SDK1: variants seen among roughly 807,000 people sequenced by gnomAD.
The protein encoded by SDK1 is protein sidekick-1.
A neutral mutation model predicts 245.5 loss-of-function variants in SDK1; 157 were observed. The ratio of observed to expected loss-of-function variants is 0.64; its 90% CI spans 0.56 to 0.73. The LOEUF is 0.73. Ranked by LOEUF, SDK1 falls within the 30% of genes least tolerant of loss-of-function variation. SDK1 has a pLI of 0.00. For missense variants in SDK1, 3,583 were observed against 3,002.3 expected, an observed-to-expected ratio of 1.19 and a Z score of -4.52; for synonymous variants, 1,647 against 1,278.5, an observed-to-expected ratio of 1.29 and a Z score of -6.15.
intron 5 of SDK1, among the ~76,000 whole-genome samples, chr7:3,834,740 T>C (rs1174375326): frequency 6.6e-6 from 1 of 152,172 alleles, no homozygotes; most frequent in East Asian, 1.9e-4. Context: ...TCCGCGAGGA[T>C]AGGGATTTTT....
At position 4,067,883 on chromosome 7, in the gene SDK1, C is replaced by T. The variant is rs371875529; in HGVS notation, c.2957C>T (p.Thr986Ile). ...CTGAGTTTCACAGAGATCTTGGACACATCTCTCAAGGTCAGCTGGCAGGAG... is the reference window on the plus strand; with the variant it reads ...CTGAGTTTCACAGAGATCTTGGACATATCTCTCAAGGTCAGCTGGCAGGAG... ...GHLSFTEILD[T>I]SLKVSWQEPL... Residue 986 changes from threonine (T) to isoleucine (I), a missense_variant, in exon 20 of 45, where the codon ACA (threonine) becomes ATA (isoleucine). Thr to Ile is a moderately conservative substitution (Grantham distance 89). Transcript: ENST00000404826. 44 of 1,613,404 alleles carry T rather than the reference C, an allele frequency of 2.7e-5. No individual in the cohort carries two copies. The highest frequency in any genetic ancestry group is 3.6e-5 in the Non-Finnish European group (43 of 1,179,794).
chr7:3,781,937 A>T (rs939187821), intron 4 of SDK1, among the ~76,000 whole-genome samples: 3 of 152,226 alleles, frequency 2.0e-5, no homozygotes, highest in Non-Finnish European at 2.9e-5. Flanking sequence ...TCAAGAGATG[A>T]CACCTTTGTA....
chr7:3,491,531 C>G (rs1244932990), intron 1 of SDK1, among the ~76,000 whole-genome samples: 1 of 152,138 alleles, frequency 6.6e-6, no homozygotes, highest in Non-Finnish European at 1.5e-5. Flanking sequence ...TTCTTTTTCC[C>G]CTATTCATAA....
At chr7:4,104,601 C>T (rs1295104684) in intron 22 of SDK1, among the ~76,000 whole-genome samples, 2 of 152,134 alleles carry the variant, frequency 1.3e-5, no homozygotes, top group African/African-American at 4.8e-5. Flanking sequence ...ACATATATTC[C>T]CCTCCGAACC....
chr7:3,393,466 C>T (rs1199176846), intron 1 of SDK1, among the ~76,000 whole-genome samples: 1 of 152,042 alleles, frequency 6.6e-6, no homozygotes, highest in Non-Finnish European at 1.5e-5. Context: ...TTTTCCTTTC[C>T]TATAGCTATG....
At chr7:4,171,892 A>G (rs1178295937) in intron 32 of SDK1, among the ~76,000 whole-genome samples, 1 of 152,166 alleles carries the variant, frequency 6.6e-6, no homozygotes, top group Non-Finnish European at 1.5e-5. Context: ...GCTGTGGGGC[A>G]TTGACAAGCA....
chr7:4,159,445 C>G (rs1053331609), intron 31 of SDK1, among the ~76,000 whole-genome samples: 1 of 152,214 alleles, frequency 6.6e-6, no homozygotes, highest in Admixed American at 6.5e-5. Flanking sequence ...AGAGCAGAAC[C>G]TGCAAGAGCC....
At chr7:3,762,840 A>G (rs1002912843) in intron 4 of SDK1, among the ~76,000 whole-genome samples, 9 of 152,346 alleles carry the variant, frequency 5.9e-5, no homozygotes, top group Non-Finnish European at 7.3e-5. Context: ...CAGTATGAAT[A>G]TGTTATAAAA....
chr7:3,306,481 A>G (rs1012082039), intron 1 of SDK1, among the ~76,000 whole-genome samples: 5 of 152,200 alleles, frequency 3.3e-5, no homozygotes, highest in Admixed American at 3.3e-4. Context: ...TATGAATTTG[A>G]GTCCTTTAAC....
intron 1 of SDK1, among the ~76,000 whole-genome samples, chr7:3,447,655 TTC>T (rs1234382675): frequency 6.6e-6 from 1 of 152,058 alleles, no homozygotes; most frequent in Non-Finnish European, 1.5e-5. Context: ...TGTTTTTTGT[TTC>T]TGTTATAAAC....
At chr7:3,444,471 A>G in intron 1 of SDK1, among the ~76,000 whole-genome samples, 1 of 152,236 alleles carries the variant, frequency 6.6e-6, no homozygotes, top group African/African-American at 2.4e-5. Flanking sequence ...TGATACAATT[A>G]TAGTAGCAGG....
At chr7:3,793,045 A>G (rs1350590828) in intron 4 of SDK1, among the ~76,000 whole-genome samples, 1 of 152,206 alleles carries the variant, frequency 6.6e-6, no homozygotes, top group African/African-American at 2.4e-5. Flanking sequence ...AATGGAAAAA[A>G]GGTCAAAGGA....
intron 1 of SDK1, among the ~76,000 whole-genome samples, chr7:3,365,119 G>A (rs1781055433): frequency 6.6e-6 from 1 of 152,138 alleles, no homozygotes; most frequent in Admixed American, 6.5e-5. Context: ...TTGCTGATTT[G>A]AGGCCGCAAC....
chr7:3,334,513 G>T (rs549385315), intron 1 of SDK1, among the ~76,000 whole-genome samples: 1 of 152,198 alleles, frequency 6.6e-6, no homozygotes, highest in South Asian at 2.1e-4. Flanking sequence ...GTTGCTGGGA[G>T]GACTGAGGCT....
intron 44 of SDK1, among the ~76,000 whole-genome samples, chr7:4,253,351 A>G (rs1426498196): frequency 6.6e-6 from 1 of 152,138 alleles, no homozygotes; most frequent in African/African-American, 2.4e-5. Flanking sequence ...TCATCTCAAA[A>G]TATTTTTTTA....
At chr7:3,977,440 G>T (rs1251119065) in intron 13 of SDK1, among the ~76,000 whole-genome samples, 1 of 152,214 alleles carries the variant, frequency 6.6e-6, no homozygotes, top group African/African-American at 2.4e-5. Context: ...GGGTCCTCCA[G>T]CTTTTGTGTA....
intron 1 of SDK1, among the ~76,000 whole-genome samples, chr7:3,615,939 C>T (rs2128643765): frequency 6.6e-6 from 1 of 151,750 alleles, no homozygotes. Context: ...GGCTGGAGTG[C>T]AGTGGCACAA....
At chr7:3,867,070 C>T (rs529153672) in intron 5 of SDK1, among the ~76,000 whole-genome samples, 17 of 152,114 alleles carry the variant, frequency 1.1e-4, no homozygotes, top group African/African-American at 2.2e-4. Flanking sequence ...CTTCATTCCC[C>T]GTGCTAATGG....
At chr7:3,489,698 AAAAT>A (rs1417060168) in intron 1 of SDK1, among the ~76,000 whole-genome samples, 5 of 152,232 alleles carry the variant, frequency 3.3e-5, no homozygotes, top group African/African-American at 4.8e-5. Flanking sequence ...TCTAATGTGA[AAAAT>A]AAAGTAGCTT....
Sources: gnomAD v4.1 joint callset for allele counts (sites outside exome capture counted in the v4.1 genomes callset) on GRCh38, gnomAD v4.1.1 for gene constraint, MANE v1.5 for transcripts, NCBI Gene and HGNC (gene_info 2026-07-23, HGNC 2026-07-21) for gene names.